The following OXR1 variants were observed in gnomAD, a reference collection of about 807,000 sequenced individuals.
OXR1 encodes oxidation resistance protein 1.
Under a neutral mutation model 104.6 loss-of-function variants are expected in OXR1, and 41 were observed. The ratio of observed to expected loss-of-function variants is 0.39; its 90% CI spans 0.31 to 0.51. The LOEUF (loss-of-function observed/expected upper bound fraction) is 0.51. OXR1 is among the 20% of genes least tolerant of loss of function. The pLI is 0.77. For synonymous variants in OXR1, 348 were observed against 348.4 expected (o/e 1.00, Z 0.01); for missense variants, 955 against 1,031.9 (o/e 0.93, Z 1.02).
At chr8:106,618,409 G>A (rs1821418246) in intron 3 of OXR1, among the ~76,000 whole-genome samples, 1 of 152,158 alleles carries the variant, frequency 6.6e-6, no homozygotes, top group Non-Finnish European at 1.5e-5. Context: ...AATCTAAATA[G>A]AATATCTTTC....
intron 1 of OXR1, among the ~76,000 whole-genome samples, chr8:106,293,648 A>G (rs1396747019): frequency 6.6e-6 from 1 of 152,238 alleles, no homozygotes; most frequent in African/African-American, 2.4e-5. Flanking sequence ...TGGAGGCTGG[A>G]AAGTCCAAGA....
intron 1 of OXR1, among the ~76,000 whole-genome samples, chr8:106,282,714 A>G (rs527425198): frequency 3.4e-4 from 52 of 152,330 alleles, no homozygotes; most frequent in Non-Finnish European, 6.5e-4. Flanking sequence ...CTTCACACAG[A>G]GTAGGCTGAG....
At chr8:106,339,519 A>AAATATATATATAT (rs869120573) in intron 1 of OXR1, among the ~76,000 whole-genome samples, 1 of 33,360 alleles carries the variant, frequency 3.0e-5, no homozygotes, top group Non-Finnish European at 5.3e-5. Context: ...AAAAAAAAAA[A>AAATATATATATAT]ATATATATAT....
intron 2 of OXR1, among the ~76,000 whole-genome samples, chr8:106,459,913 C>G (rs921579215): frequency 6.6e-6 from 1 of 152,198 alleles, no homozygotes; most frequent in Non-Finnish European, 1.5e-5. Context: ...GCACATGTTA[C>G]AATCAAGGGA....
chr8:106,567,325 TA>T (rs1817154907), intron 3 of OXR1, among the ~76,000 whole-genome samples: 1 of 152,166 alleles, frequency 6.6e-6, no homozygotes, highest in Non-Finnish European at 1.5e-5. Flanking sequence ...CCTCAGGTTT[TA>T]AAATGATTAC....
chr8:106,692,693 C>CTTT, intron 6 of OXR1, 35 bp from the exon 7 acceptor site: 1 of 1,127,800 alleles, frequency 8.9e-7, no homozygotes. Context: ...TTGTTTTCTG[C>CTTT]TTTTTTTTTT....
At chr8:106,743,589 G>A (rs1229326544) in intron 15 of OXR1, among the ~76,000 whole-genome samples, 1 of 152,160 alleles carries the variant, frequency 6.6e-6, no homozygotes, top group East Asian at 1.9e-4. Context: ...CCAGAGTGCT[G>A]GGATTACAGG....
At chr8:106,571,844 C>T (rs1410353027) in intron 3 of OXR1, among the ~76,000 whole-genome samples, 1 of 152,006 alleles carries the variant, frequency 6.6e-6, no homozygotes, top group Non-Finnish European at 1.5e-5. Context: ...GGAAAAAAAA[C>T]AGGAAAGAAG....
rs117004677 is a variant in OXR1, at chr8:106,270,770, G to A, written c.-139+403G>A. ...ATAGAGTGGGAGCAGCGTGAGAGCA[G>A]TGTTGGGGGCGCAGAGTGGAGGGCA... On this transcript the variant is annotated intron_variant, in intron 1 of 16. Coordinates refer to ENST00000517566, the MANE Select transcript of OXR1 (RefSeq NM_001198533.2). Among the ~76,000 whole-genome samples the A allele has an allele frequency of 4.8e-4, 73 of 152,256 alleles. No individual in the cohort carries two copies. In the East Asian group the frequency reaches 0.013, roughly 27 times the overall value.
intron 3 of OXR1, among the ~76,000 whole-genome samples, chr8:106,595,588 G>A (rs1380181695): frequency 1.3e-5 from 2 of 150,048 alleles, no homozygotes; most frequent in East Asian, 1.9e-4. Context: ...AAAAGAAAAC[G>A]AAAGAGTGCT....
intron 1 of OXR1, among the ~76,000 whole-genome samples, chr8:106,322,735 C>G: frequency 6.6e-6 from 1 of 152,210 alleles, no homozygotes; most frequent in Non-Finnish European, 1.5e-5. Flanking sequence ...TTCCTTACAC[C>G]AGCAACAGCC....
chr8:106,319,650 G>T (rs1284744920), intron 1 of OXR1, among the ~76,000 whole-genome samples: 4 of 152,150 alleles, frequency 2.6e-5, no homozygotes, highest in African/African-American at 7.2e-5. Context: ...GACAAAAATT[G>T]CATTAAGAAG....
intron 2 of OXR1, among the ~76,000 whole-genome samples, chr8:106,395,452 A>C (rs947595976): frequency 2.6e-5 from 4 of 152,156 alleles, no homozygotes; most frequent in African/African-American, 9.7e-5. Flanking sequence ...ACAATGAGGA[A>C]GTAGCAAAGC....
intron 2 of OXR1, among the ~76,000 whole-genome samples, chr8:106,422,390 CT>C (rs1280268625): frequency 6.6e-6 from 1 of 152,080 alleles, no homozygotes; most frequent in Non-Finnish European, 1.5e-5. Flanking sequence ...AAAGTTAATT[CT>C]GAATGATAAC....
chr8:106,530,142 T>C (rs1164213748), intron 3 of OXR1, among the ~76,000 whole-genome samples: 1 of 152,210 alleles, frequency 6.6e-6, no homozygotes, highest in Non-Finnish European at 1.5e-5. Context: ...TGAAGTAATA[T>C]GTCTACATTT....
intron 2 of OXR1, among the ~76,000 whole-genome samples, chr8:106,382,530 A>G (rs1424926732): frequency 6.6e-6 from 1 of 151,934 alleles, no homozygotes; most frequent in East Asian, 1.9e-4. Flanking sequence ...TCTGAACAGC[A>G]TTTTTGCGCT....
At chr8:106,597,076 A>G (rs753247183) in intron 3 of OXR1, among the ~76,000 whole-genome samples, 2 of 152,154 alleles carry the variant, frequency 1.3e-5, no homozygotes, top group South Asian at 4.1e-4. Context: ...AAAAAAAAGA[A>G]CTAGTACGTG....
chr8:106,401,664 A>G (rs927399372), intron 2 of OXR1, among the ~76,000 whole-genome samples: 1 of 152,220 alleles, frequency 6.6e-6, no homozygotes, highest in African/African-American at 2.4e-5. Flanking sequence ...GAGGGGCCAG[A>G]TGCAACAACT....
intron 1 of OXR1, among the ~76,000 whole-genome samples, chr8:106,349,875 G>C (rs184791110): frequency 3.0e-4 from 46 of 152,152 alleles, no homozygotes; most frequent in Non-Finnish European, 1.0e-4. Flanking sequence ...ACAAGTGGGC[G>C]GAGTGGAGTC....
Sources: gnomAD v4.1 joint callset for allele counts (sites outside exome capture counted in the v4.1 genomes callset) on GRCh38, gnomAD v4.1.1 for gene constraint, MANE v1.5 for transcripts, NCBI Gene and HGNC (gene_info 2026-07-23, HGNC 2026-07-21) for gene names.